The following CDH7 variants were observed in gnomAD, a reference collection of about 807,000 sequenced individuals.
CDH7 encodes cadherin-7.
Under a neutral mutation model 71.8 loss-of-function variants are expected in CDH7, and 25 were observed. The observed-to-expected ratio is 0.35, with a 90% CI of 0.25 to 0.49. CDH7 has a LOEUF of 0.49. Ranked by LOEUF, CDH7 falls within the 20% of genes least tolerant of loss-of-function variation. The probability of loss-of-function intolerance (pLI) is 0.99; values close to 1 mark genes in which losing one functional copy is unlikely to be tolerated. For synonymous variants in CDH7, 381 were observed against 363.8 expected (o/e 1.05, Z -0.54); for missense variants, 862 against 974.6 (o/e 0.88, Z 1.54).
chr18:65,839,988 A>C (rs866058973), intron 6 of CDH7, among the ~76,000 whole-genome samples: 1 of 152,216 alleles, frequency 6.6e-6, no homozygotes, highest in Admixed American at 6.5e-5. Context: ...GTTATGATAC[A>C]TGAAAACCAT....
intron 6 of CDH7, among the ~76,000 whole-genome samples, chr18:65,841,164 A>C (rs910035763): frequency 2.0e-5 from 3 of 152,010 alleles, no homozygotes; most frequent in Non-Finnish European, 4.4e-5. Context: ...TTATTGCTTT[A>C]TTTTCATAAT....
At chr18:65,827,565 A>G (rs1912178376) in intron 6 of CDH7, among the ~76,000 whole-genome samples, 1 of 151,924 alleles carries the variant, frequency 6.6e-6, no homozygotes, top group Admixed American at 6.5e-5. Context: ...TTGAGCCTAA[A>G]CACACTGTTT....
intron 1 of CDH7, among the ~76,000 whole-genome samples, chr18:65,757,795 T>A (rs530485062): frequency 6.6e-5 from 10 of 151,722 alleles, no homozygotes; most frequent in Admixed American, 1.3e-4. Context: ...ATATATATTT[T>A]TTTTTTCTGC....
chr18:65,795,689 T>G (rs1301903078), intron 2 of CDH7, among the ~76,000 whole-genome samples: 2 of 152,182 alleles, frequency 1.3e-5, no homozygotes. Flanking sequence ...TTCAAATAAA[T>G]GCACTTGTCC....
Position 65,834,592 on chromosome 18 carries a change from G to C in CDH7, c.982-9220G>C, listed in dbSNP as rs574285697. 3.3e-5 allele frequency among the ~76,000 whole-genome samples: 5 copies of C among 152,266 alleles called. No homozygotes were observed. In the East Asian group the frequency reaches 9.6e-4, roughly 29 times the overall value. ...CTTATCAAAAAGACTAACAAACAAA[G>C]TTTTATATTTAGATGAATAGAAGAA... On this transcript the variant is annotated intron_variant, in intron 6 of 11. Transcript: ENST00000397968.
At chr18:65,802,169 A>G (rs1474109953) in intron 2 of CDH7, among the ~76,000 whole-genome samples, 1 of 152,172 alleles carries the variant, frequency 6.6e-6, no homozygotes, top group African/African-American at 2.4e-5. Flanking sequence ...AGTGCTTCTC[A>G]ATGGACCTGT....
intron 11 of CDH7, chr18:65,864,156 A>G (rs888644317): frequency 2.6e-5 from 4 of 152,228 alleles, no homozygotes; most frequent in Admixed American, 2.6e-4. Flanking sequence ...GAATTTCATT[A>G]GAAATGGGAA....
intron 6 of CDH7, among the ~76,000 whole-genome samples, chr18:65,839,212 C>G (rs1001927163): frequency 4.6e-5 from 7 of 152,080 alleles, no homozygotes; most frequent in African/African-American, 1.7e-4. Context: ...TGTCTTAGTC[C>G]GTTTGGGCTA....
chr18:65,840,093 A>C (rs1011596163), intron 6 of CDH7, among the ~76,000 whole-genome samples: 5 of 152,226 alleles, frequency 3.3e-5, no homozygotes, highest in African/African-American at 9.6e-5. Flanking sequence ...ACTCCCTGCC[A>C]AGTCTAATAG....
chr18:65,805,429 A>C (rs1265395232), intron 2 of CDH7, among the ~76,000 whole-genome samples: 2 of 152,200 alleles, frequency 1.3e-5, no homozygotes, highest in Non-Finnish European at 2.9e-5. Context: ...GTATGGAGTC[A>C]GATTGGGACT....
chr18:65,821,434 T>A (rs1251925870), intron 4 of CDH7, among the ~76,000 whole-genome samples: 1 of 152,146 alleles, frequency 6.6e-6, no homozygotes, highest in African/African-American at 2.4e-5. Flanking sequence ...TCATTGAAGG[T>A]GTTACTTAAA....
At chr18:65,774,946 C>T (rs956737665) in intron 2 of CDH7, among the ~76,000 whole-genome samples, 1 of 152,122 alleles carries the variant, frequency 6.6e-6, no homozygotes, top group Non-Finnish European at 1.5e-5. Context: ...ATGATCCATC[C>T]TTCTCTCTCA....
chr18:65,772,160 G>A (rs536990231), intron 2 of CDH7, among the ~76,000 whole-genome samples: 10 of 152,242 alleles, frequency 6.6e-5, no homozygotes, highest in African/African-American at 1.9e-4. Flanking sequence ...CAACAGATGT[G>A]AGTTTGAAAG....
At position 65,882,821 on chromosome 18, in the gene CDH7, G is replaced by A. The variant is rs933182708; in HGVS notation, c.*1927G>A. 3 of 151,994 alleles carry A rather than the reference G, an allele frequency of 2.0e-5. No individual in the cohort carries two copies. Among genetic ancestry groups the A allele is most frequent in the Non-Finnish European group, 4.4e-5 (3 of 67,952 alleles). The allele number at this position is 151,994 out of a possible 1,614,324, so 9.4% of individuals were successfully genotyped here. ...ATAACAAACAAACAAAAAAACACGC[G>A]TATTTACCCAGTTCAATAAAATCAG... On this transcript the variant is annotated 3_prime_UTR_variant, in exon 12 of 12. Transcript: ENST00000397968.
chr18:65,827,733 A>T (rs191051370), intron 6 of CDH7, among the ~76,000 whole-genome samples: 1 of 152,070 alleles, frequency 6.6e-6, no homozygotes, highest in East Asian at 1.9e-4. Flanking sequence ...AGGCAAAACC[A>T]TTAGATTCTA....
In CDH7 at chr18:65,768,232, T is replaced by A. The variant is rs567085749; in HGVS notation, c.210+5180T>A. Among the ~76,000 whole-genome samples the A allele has an allele frequency of 7.2e-5, 11 of 152,154 alleles. 1 individual carries two copies. Among genetic ancestry groups the A allele is most frequent in the South Asian group, 4.1e-4 (2 of 4,824 alleles). On this transcript the variant is annotated intron_variant, in intron 2 of 11. Coordinates refer to ENST00000397968, the MANE Select transcript of CDH7 (RefSeq NM_004361.5). ...TCTATATGCGTTGTTGTTTTTTTTTTTTATTTTTTGGTTCTTGTTTTGAGA... is the reference window on the plus strand; with the variant it reads ...TCTATATGCGTTGTTGTTTTTTTTTATTATTTTTTGGTTCTTGTTTTGAGA...
chr18:65,794,259 T>A (rs1910825245), intron 2 of CDH7, among the ~76,000 whole-genome samples: 1 of 152,026 alleles, frequency 6.6e-6, no homozygotes, highest in Non-Finnish European at 1.5e-5. Context: ...AATACTAAAC[T>A]GATCTTTAAT....
chr18:65,828,009 T>C (rs987737585), intron 6 of CDH7, among the ~76,000 whole-genome samples: 3 of 151,836 alleles, frequency 2.0e-5, no homozygotes, highest in Non-Finnish European at 2.9e-5. Flanking sequence ...ATTACTTTTT[T>C]CTTTCTTCCT....
chr18:65,830,430 T>C (rs897604336), intron 6 of CDH7, among the ~76,000 whole-genome samples: 4 of 152,194 alleles, frequency 2.6e-5, no homozygotes, highest in Admixed American at 6.5e-5. Flanking sequence ...TTCAAGTCTT[T>C]CACTTCTTTT....
Sources: allele counts gnomAD v4.1 joint callset (sites outside exome capture counted in the v4.1 genomes callset), GRCh38; gene constraint gnomAD v4.1.1; transcripts MANE v1.5; gene names NCBI Gene and HGNC (gene_info 2026-07-23, HGNC 2026-07-21).